The following GLIS3 variants were observed in gnomAD, a reference collection of about 807,000 sequenced individuals.
GLIS3 encodes zinc finger protein GLIS3.
A neutral mutation model predicts 78.6 loss-of-function variants in GLIS3; 53 were observed. The observed-to-expected ratio is 0.67, with a 90% CI of 0.54 to 0.85. The LOEUF (loss-of-function observed/expected upper bound fraction) is 0.85, where lower values mean the gene tolerates loss of function less well. GLIS3 is among the 40% of genes least tolerant of loss of function. The probability of loss-of-function intolerance (pLI) is 0.00; values close to 1 mark genes in which losing one functional copy is unlikely to be tolerated. For synonymous variants in GLIS3, 684 were observed against 509.9 expected, an observed-to-expected ratio of 1.34 and a Z score of -4.60; for missense variants, 1,703 against 1,231.1, an observed-to-expected ratio of 1.38 and a Z score of -5.74.
At chr9:3,845,739 G>GCA (rs889184838) in intron 9 of GLIS3, among the ~76,000 whole-genome samples, 1 of 151,860 alleles carries the variant, frequency 6.6e-6, no homozygotes, top group Non-Finnish European at 1.5e-5. Context: ...GCCCACGCAC[G>GCA]CACACACACA....
the GLIS3 span, among the ~76,000 whole-genome samples, chr9:4,439,867 G>A: frequency 6.6e-6 from 1 of 152,106 alleles, no homozygotes; most frequent in African/African-American, 2.4e-5. Context: ...TTCTTTTGCA[G>A]AGAAAAGGTT....
At chr9:3,967,009 T>TG in intron 4 of GLIS3, among the ~76,000 whole-genome samples, 1 of 49,620 alleles carries the variant, frequency 2.0e-5, no homozygotes, top group Non-Finnish European at 3.8e-5. Flanking sequence ...AATTTCTTTC[T>TG]GCAAAAAAAA....
the GLIS3 span, among the ~76,000 whole-genome samples, chr9:4,399,755 G>A: frequency 1.3e-5 from 2 of 152,164 alleles, no homozygotes; most frequent in African/African-American, 4.8e-5. Context: ...TGCTACAGTG[G>A]TTCAATGTGT....
intron 2 of GLIS3, among the ~76,000 whole-genome samples, chr9:4,272,438 T>G (rs1477320310): frequency 6.6e-6 from 1 of 152,174 alleles, no homozygotes; most frequent in Non-Finnish European, 1.5e-5. Context: ...TTTAGGGCTC[T>G]GAAGTCAGCA....
intron 4 of GLIS3, among the ~76,000 whole-genome samples, chr9:4,091,816 T>C (rs1006677112): frequency 1.6e-4 from 24 of 152,138 alleles, no homozygotes; most frequent in African/African-American, 5.1e-4. Context: ...CAGTTCTTTA[T>C]AGCAGCGTGA....
At chr9:4,209,159 C>A (rs942034763) in intron 2 of GLIS3, among the ~76,000 whole-genome samples, 1 of 152,114 alleles carries the variant, frequency 6.6e-6, no homozygotes, top group Non-Finnish European at 1.5e-5. Flanking sequence ...ACTCTGGAGA[C>A]CCCCTGATCT....
chr9:4,267,223 T>A (rs2130103070), intron 2 of GLIS3, among the ~76,000 whole-genome samples: 1 of 152,240 alleles, frequency 6.6e-6, no homozygotes, highest in East Asian at 1.9e-4. Flanking sequence ...TGGGAGTGTT[T>A]TTACTAGACT....
At chr9:3,960,043 A>G (rs575265317) in intron 4 of GLIS3, among the ~76,000 whole-genome samples, 8 of 152,288 alleles carry the variant, frequency 5.3e-5, no homozygotes, top group African/African-American at 1.4e-4. Flanking sequence ...TCTCAGTTGC[A>G]GAAGAATTGC....
chr9:4,343,276 A>C (rs1817860163), intron 2 of GLIS3, among the ~76,000 whole-genome samples: 1 of 152,224 alleles, frequency 6.6e-6, no homozygotes, highest in Admixed American at 6.5e-5. Flanking sequence ...CAGGAGTTCG[A>C]GGCTTCAGTA....
At chr9:4,084,201 C>A (rs1407629292) in intron 4 of GLIS3, among the ~76,000 whole-genome samples, 2 of 151,500 alleles carry the variant, frequency 1.3e-5, no homozygotes, top group South Asian at 4.2e-4. Context: ...AAACCAACAG[C>A]AGAGTGATAT....
At chr9:4,001,538 G>T (rs1464338280) in intron 4 of GLIS3, among the ~76,000 whole-genome samples, 4 of 151,914 alleles carry the variant, frequency 2.6e-5, no homozygotes, top group Non-Finnish European at 5.9e-5. Flanking sequence ...ATTCCTTTTT[G>T]GTCTCTCCCA....
At chr9:4,089,043 C>T (rs943354607) in intron 4 of GLIS3, among the ~76,000 whole-genome samples, 2 of 152,220 alleles carry the variant, frequency 1.3e-5, no homozygotes, top group African/African-American at 4.8e-5. Context: ...AGACTTTCCC[C>T]AGCAACTTGC....
the GLIS3 span, among the ~76,000 whole-genome samples, chr9:4,450,382 T>C: frequency 1.3e-5 from 2 of 152,178 alleles, no homozygotes; most frequent in Non-Finnish European, 2.9e-5. Flanking sequence ...TTGGTGTACC[T>C]GAAAGTGATG....
chr9:4,075,923 G>A lies in GLIS3; in HGVS notation c.1710+41845C>T, dbSNP rs184694417. ...AAGGCAAATCTAATCTAAAGGAATA[G>A]AAAGCAGAGAAGTGGCTCCTTAGGC... On this transcript the variant is annotated intron_variant, in intron 4 of 10. Transcript: ENST00000381971. Among the ~76,000 whole-genome samples the A allele has an allele frequency of 3.7e-4, 57 of 152,276 alleles. 1 individual carries two copies. The highest frequency in any genetic ancestry group is 3.0e-3 in the Admixed American group (46 of 15,290).
the GLIS3 span, among the ~76,000 whole-genome samples, chr9:4,427,146 T>C: frequency 6.6e-6 from 1 of 152,182 alleles, no homozygotes; most frequent in African/African-American, 2.4e-5. Flanking sequence ...ATTTTATGCA[T>C]GGGTGAGAGG....
chr9:4,090,874 G>A (rs1358412851), intron 4 of GLIS3, among the ~76,000 whole-genome samples: 2 of 152,210 alleles, frequency 1.3e-5, no homozygotes, highest in Non-Finnish European at 2.9e-5. Flanking sequence ...TGCAAGAGAA[G>A]TTTCATGCAT....
chr9:4,003,822 C>T (rs1482034326), intron 4 of GLIS3, among the ~76,000 whole-genome samples: 1 of 152,208 alleles, frequency 6.6e-6, no homozygotes, highest in East Asian at 1.9e-4. Context: ...ACTCTTGCAA[C>T]TTTCTAAAAT....
intron 2 of GLIS3, among the ~76,000 whole-genome samples, chr9:4,313,177 G>A (rs1470063636): frequency 6.6e-6 from 1 of 152,170 alleles, no homozygotes; most frequent in East Asian, 1.9e-4. Context: ...CAGAATGCCT[G>A]GCACATAGTA....
chr9:4,406,783 A>T, the GLIS3 span, among the ~76,000 whole-genome samples: 1 of 152,184 alleles, frequency 6.6e-6, no homozygotes, highest in Non-Finnish European at 1.5e-5. Context: ...AACACTCATG[A>T]AAGAAATTGA....
Sources: gnomAD v4.1 joint callset for allele counts (sites outside exome capture counted in the v4.1 genomes callset) on GRCh38, gnomAD v4.1.1 for gene constraint, MANE v1.5 for transcripts, NCBI Gene and HGNC (gene_info 2026-07-23, HGNC 2026-07-21) for gene names.